The following SLCO1A2 variants were observed in gnomAD, a reference collection of about 807,000 sequenced individuals.
SLCO1A2 encodes the protein solute carrier organic anion transporter family member 1A2.
SLCO1A2 carries 67 observed loss-of-function variants against 69.0 expected under a neutral mutation model. The observed-to-expected ratio is 0.97, with a 90% CI of 0.80 to 1.19. SLCO1A2 has a LOEUF of 1.19. Among genes scored for constraint, SLCO1A2 ranks in the 50% most tolerant of loss-of-function variants. SLCO1A2 has a pLI of 0.00. For synonymous variants in SLCO1A2, 260 were observed against 265.9 expected (o/e 0.98, Z 0.22); for missense variants, 787 against 793.7 (o/e 0.99, Z 0.10).
intron 14 of SLCO1A2, chr12:21,274,231 T>A: frequency 2.5e-6 from 1 of 394,774 alleles, no homozygotes; most frequent in East Asian, 4.1e-5. Context: ...GAACAACACT[T>A]TGAAAGCCAA....
intron 11 of SLCO1A2, 40 bp from the exon 12 acceptor site, chr12:21,292,376 T>C (rs538259920): frequency 1.3e-6 from 2 of 1,538,704 alleles, no homozygotes; most frequent in African/African-American, 1.4e-5. Context: ...AGTAAAAATC[T>C]TGAACACAAA....
intron 12 of SLCO1A2, among the ~76,000 whole-genome samples, chr12:21,285,389 C>T (rs1216902642): frequency 1.3e-5 from 2 of 148,198 alleles, no homozygotes; most frequent in African/African-American, 5.0e-5. Flanking sequence ...AAAAAAGAGT[C>T]CAGGACCAGA....
intron 6 of SLCO1A2, among the ~76,000 whole-genome samples, chr12:21,303,455 T>G (rs757771582): frequency 3.3e-5 from 5 of 152,216 alleles, no homozygotes; most frequent in Non-Finnish European, 5.9e-5. Context: ...CTTGGGTTAA[T>G]GATCCCTCAA....
chr12:21,404,503 T>G (rs1941790283), intron 1 of SLCO1A2, among the ~76,000 whole-genome samples: 1 of 152,212 alleles, frequency 6.6e-6, no homozygotes, highest in African/African-American at 2.4e-5. Context: ...TTTCTGTTCC[T>G]GCATTAGTTT....
At chr12:21,294,260 A>C in intron 10 of SLCO1A2, 150 bp from the exon 11 acceptor site, 1 of 578,048 alleles carries the variant, frequency 1.7e-6, no homozygotes, top group Non-Finnish European at 2.9e-6. Context: ...TGTTTACTAT[A>C]GCTTTGGTAT....
chr12:21,299,572 T>C (rs1479930631), intron 8 of SLCO1A2, among the ~76,000 whole-genome samples: 2 of 151,030 alleles, frequency 1.3e-5, no homozygotes, highest in Non-Finnish European at 3.0e-5. Flanking sequence ...TTTTTTTTTT[T>C]CTTTCTGATT....
intron 4 of SLCO1A2, among the ~76,000 whole-genome samples, chr12:21,310,500 G>A (rs908325161): frequency 1.3e-5 from 2 of 152,216 alleles, no homozygotes; most frequent in Non-Finnish European, 2.9e-5. Context: ...AAGGTTGTGG[G>A]GGCTGTGGAA....
At chr12:21,366,094 G>T (rs940633179) in intron 2 of SLCO1A2, among the ~76,000 whole-genome samples, 8 of 152,268 alleles carry the variant, frequency 5.3e-5, no homozygotes, top group African/African-American at 1.9e-4. Flanking sequence ...AAAGACACAT[G>T]CATACGTATG....
intron 2 of SLCO1A2, among the ~76,000 whole-genome samples, chr12:21,331,859 T>C (rs2136945881): frequency 6.6e-6 from 1 of 152,246 alleles, no homozygotes; most frequent in South Asian, 2.1e-4. Flanking sequence ...AAATAAATTT[T>C]AGATCTTAAC....
chr12:21,412,593 T>C (rs1353566266), intron 1 of SLCO1A2, among the ~76,000 whole-genome samples: 3 of 152,180 alleles, frequency 2.0e-5, no homozygotes, highest in African/African-American at 7.2e-5. Flanking sequence ...AATATTTGCC[T>C]TTCTTCACCT....
chr12:21,298,651 T>C (rs1400550733), intron 8 of SLCO1A2, among the ~76,000 whole-genome samples: 2 of 152,118 alleles, frequency 1.3e-5, no homozygotes, highest in African/African-American at 4.8e-5. Context: ...GATTTTTAAG[T>C]CACCCATGTT....
intron 2 of SLCO1A2, among the ~76,000 whole-genome samples, chr12:21,353,271 C>T (rs1472561936): frequency 6.6e-6 from 1 of 151,816 alleles, no homozygotes; most frequent in Non-Finnish European, 1.5e-5. Flanking sequence ...CAAACATAAA[C>T]AACAGAAAGT....
chr12:21,280,214 C>G (rs1944537958), intron 12 of SLCO1A2, among the ~76,000 whole-genome samples: 1 of 151,924 alleles, frequency 6.6e-6, no homozygotes, highest in Admixed American at 6.6e-5. Flanking sequence ...AACAAAATGG[C>G]AGCAGTAAGA....
At chr12:21,335,989 A>T (rs1952873885), upstream of SLCO1A2, among the ~76,000 whole-genome samples, 1 of 152,130 alleles carries the variant, frequency 6.6e-6, no homozygotes, top group Non-Finnish European at 1.5e-5. Context: ...GAAAGATAAA[A>T]CTTTTAAATA....
chr12:21,413,237 CTTTTTTT>C (rs3983534), intron 1 of SLCO1A2, among the ~76,000 whole-genome samples: 9 of 99,434 alleles, frequency 9.1e-5, no homozygotes, highest in South Asian at 3.5e-4. Flanking sequence ...TTTTCTTTTT[CTTTTTTT>C]TTTTTTTTTT....
intron 1 of SLCO1A2, among the ~76,000 whole-genome samples, chr12:21,402,093 A>G (rs4762823): frequency 0.43 from 64,198 of 150,054 alleles, 13,904 homozygotes; most frequent in Middle Eastern, 0.5. Context: ...TATGTGAAAA[A>G]TAAGAGTAAT....
At position 21,289,184 on chromosome 12, in the gene SLCO1A2, C is replaced by CTGTGTGTGTGTGTG. The variant is rs10636619; in HGVS notation, c.1610+2966_1610+2979dup. Among the ~76,000 whole-genome samples, 15 of 136,986 alleles carry CTGTGTGTGTGTGTG rather than the reference C, an allele frequency of 1.1e-4. No individual in the cohort carries two copies. In the South Asian group the frequency reaches 1.8e-3, roughly 16 times the overall value. 89.9% of individuals were successfully genotyped at this position (136,986 alleles called of 152,430 possible). ...CATTTGTGATGGTAATGGTACCATT[C>CTGTGTGTGTGTGTG]TGTGTGTGTGTGTGTGTGTGTGTGT... On this transcript the variant is annotated intron_variant, in intron 12 of 14. Coordinates refer to ENST00000683939, the MANE Select transcript of SLCO1A2 (RefSeq NM_001386879.1).
intron 9 of SLCO1A2, 84 bp from the exon 10 acceptor site, chr12:21,295,876 A>G (rs533078043): frequency 1.4e-6 from 1 of 719,892 alleles, no homozygotes; most frequent in Non-Finnish European, 2.3e-6. Context: ...TATGCCTTAT[A>G]TAAGTAACTA....
intron 2 of SLCO1A2, among the ~76,000 whole-genome samples, chr12:21,331,434 T>C (rs917658346): frequency 3.3e-5 from 5 of 152,210 alleles, no homozygotes; most frequent in African/African-American, 1.2e-4. Context: ...GAGGTCTGGC[T>C]GCTCATAATT....
Sources: allele counts gnomAD v4.1 joint callset (sites outside exome capture counted in the v4.1 genomes callset), GRCh38; gene constraint gnomAD v4.1.1; transcripts MANE v1.5; gene names NCBI Gene and HGNC (gene_info 2026-07-23, HGNC 2026-07-21).